Variants in PTPRT observed in about 807,000 individuals in gnomAD.
The protein encoded by PTPRT is protein tyrosine phosphatase receptor type T.
A neutral mutation model predicts 176.8 loss-of-function variants in PTPRT; 56 were observed. That is an observed-to-expected ratio of 0.32 (90% CI 0.26 to 0.40). The LOEUF (loss-of-function observed/expected upper bound fraction) is 0.40. PTPRT is among the 10% of genes least tolerant of loss of function. The pLI is 1.00. For missense variants in PTPRT, 1,540 were observed against 1,908.2 expected (o/e 0.81, Z 3.60); for synonymous variants, 783 against 739.0 (o/e 1.06, Z -0.96).
chr20:42,614,929 T>C (rs945500389), intron 7 of PTPRT, among the ~76,000 whole-genome samples: 2 of 143,508 alleles, frequency 1.4e-5, no homozygotes, highest in African/African-American at 2.8e-5. Flanking sequence ...TTTCTTTTTT[T>C]TTTTTCTATT....
intron 7 of PTPRT, among the ~76,000 whole-genome samples, chr20:42,618,204 T>C (rs564351493): frequency 7.9e-6 from 1 of 126,404 alleles, no homozygotes; most frequent in East Asian, 2.0e-4. Context: ...TGTACCCAAG[T>C]AGTCATTCAG....
Position 43,053,738 on chromosome 20 carries a change from G to T in PTPRT, c.88+135908C>A, listed in dbSNP as rs944224417. On this transcript the variant is annotated intron_variant, in intron 1 of 30. Coordinates refer to ENST00000373187, the MANE Select transcript of PTPRT (RefSeq NM_007050.6). Reference sequence around the variant, plus strand: ...GCGATTGCTCTCCACAGTGTTTGAGGACTGTTTAATTAACTACTGCTAAAA... The same window carrying T: ...GCGATTGCTCTCCACAGTGTTTGAGTACTGTTTAATTAACTACTGCTAAAA... Among the ~76,000 whole-genome samples the T allele has an allele frequency of 6.6e-5, 10 of 152,224 alleles. No individual in the cohort carries two copies. The East Asian group carries it at 1.7e-3, about 27-fold the overall frequency.
At chr20:42,593,783 T>G (rs1460040350) in intron 7 of PTPRT, among the ~76,000 whole-genome samples, 1 of 152,214 alleles carries the variant, frequency 6.6e-6, no homozygotes, top group East Asian at 1.9e-4. Context: ...TTTCCTAATC[T>G]GTGGGATAAA....
chr20:42,364,353 G>A (rs1193877567), intron 9 of PTPRT, among the ~76,000 whole-genome samples: 1 of 152,082 alleles, frequency 6.6e-6, no homozygotes, highest in African/African-American at 2.4e-5. Context: ...ACTAAATTAG[G>A]CATTAGGAAA....
intron 13 of PTPRT, among the ~76,000 whole-genome samples, chr20:42,275,177 A>C (rs1269490332): frequency 6.6e-6 from 1 of 152,250 alleles, no homozygotes; most frequent in African/African-American, 2.4e-5. Context: ...ACTGGCACAC[A>C]ATAGGTGGTT....
In PTPRT at chr20:42,620,896, G is replaced by A. The variant is rs374888803; in HGVS notation, c.1153+56970C>T. Among the ~76,000 whole-genome samples the A allele has an allele frequency of 4.4e-4, 67 of 152,274 alleles. 2 individuals are homozygous for A. The highest frequency in any genetic ancestry group is 7.2e-4 in the African/African-American group (30 of 41,552). Reference sequence around the variant, plus strand: ...TCAGATGGAAATGCAGAAAACACCCGTCTTCTGCATCGCTCACGCTGGGAG... The same window carrying A: ...TCAGATGGAAATGCAGAAAACACCCATCTTCTGCATCGCTCACGCTGGGAG... On this transcript the variant is annotated intron_variant, in intron 7 of 30. Coordinates refer to ENST00000373187, the MANE Select transcript of PTPRT (RefSeq NM_007050.6).
chr20:42,891,787 G>T (rs1233885331), intron 1 of PTPRT, among the ~76,000 whole-genome samples: 1 of 152,176 alleles, frequency 6.6e-6, no homozygotes, highest in Non-Finnish European at 1.5e-5. Flanking sequence ...CACTGTATTT[G>T]AACTATGTAG....
chr20:42,994,977 G>A (rs1408807711), intron 1 of PTPRT, among the ~76,000 whole-genome samples: 2 of 152,214 alleles, frequency 1.3e-5, no homozygotes, highest in Non-Finnish European at 2.9e-5. Flanking sequence ...GTTACCACTG[G>A]TGCCAGTTGG....
intron 16 of PTPRT, among the ~76,000 whole-genome samples, chr20:42,182,179 T>C (rs1440649034): frequency 2.0e-5 from 3 of 152,170 alleles, no homozygotes; most frequent in Non-Finnish European, 4.4e-5. Context: ...AGTCATGTCA[T>C]TCTGAGCCTT....
At chr20:42,417,245 A>G (rs2059074429) in intron 9 of PTPRT, among the ~76,000 whole-genome samples, 1 of 152,180 alleles carries the variant, frequency 6.6e-6, no homozygotes, top group Non-Finnish European at 1.5e-5. Flanking sequence ...GATTCCAGGT[A>G]AATGCAAACA....
chr20:42,208,370 T>C lies in PTPRT; in HGVS notation c.2343-8982A>G, dbSNP rs1278154340. 4.0e-5 allele frequency among the ~76,000 whole-genome samples: 6 copies of C among 151,864 alleles called. No homozygotes were observed. In the East Asian group the frequency reaches 5.8e-4, roughly 15 times the overall value. ...GGCAAGTTGGATAAAGAGTCAAGAC[T>C]CATCAGTGTGCTGTATTCAGGAAAC... On this transcript the variant is annotated intron_variant, in intron 15 of 30. Transcript: ENST00000373187.
chr20:42,388,232 G>A (rs909432813), intron 9 of PTPRT, among the ~76,000 whole-genome samples: 16 of 152,152 alleles, frequency 1.1e-4, no homozygotes, highest in Non-Finnish European at 4.4e-5. Flanking sequence ...CTTCATGTCT[G>A]AAACACCAAA....
At chr20:42,726,057 T>TTTA (rs59329244) in intron 6 of PTPRT, among the ~76,000 whole-genome samples, 36,850 of 142,014 alleles carry the variant, frequency 0.26, 4,733 homozygotes, top group African/African-American at 0.29. Context: ...TGTGGGCATC[T>TTTA]TTATTATTAT....
intron 1 of PTPRT, among the ~76,000 whole-genome samples, chr20:42,981,833 T>C (rs1434520372): frequency 2.0e-5 from 3 of 152,248 alleles, no homozygotes; most frequent in South Asian, 2.1e-4. Flanking sequence ...TTTATGTTCA[T>C]TTCCTTTTTC....
chr20:42,285,774 T>C (rs73120047), intron 12 of PTPRT, among the ~76,000 whole-genome samples: 11,586 of 145,664 alleles, frequency 0.08, 474 homozygotes, highest in Middle Eastern at 0.11. Context: ...CATGATCTTA[T>C]GTATACGAAA....
At chr20:42,862,051 C>A (rs993080629) in intron 2 of PTPRT, among the ~76,000 whole-genome samples, 3 of 152,182 alleles carry the variant, frequency 2.0e-5, no homozygotes, top group African/African-American at 7.2e-5. Context: ...CACACACACA[C>A]ACACAAGACA....
chr20:42,978,772 C>T (rs916770638), intron 1 of PTPRT, among the ~76,000 whole-genome samples: 4 of 152,182 alleles, frequency 2.6e-5, no homozygotes, highest in East Asian at 1.9e-4. Flanking sequence ...CTCCCGCCAG[C>T]GCCATGACAG....
chr20:42,926,827 C>T (rs1439248840), intron 1 of PTPRT, among the ~76,000 whole-genome samples: 6 of 152,158 alleles, frequency 3.9e-5, no homozygotes, highest in Non-Finnish European at 8.8e-5. Context: ...GGCAGCCAGG[C>T]TTACAATGCA....
chr20:43,058,128 C>T (rs2146246425), intron 1 of PTPRT, among the ~76,000 whole-genome samples: 1 of 152,248 alleles, frequency 6.6e-6, no homozygotes, highest in South Asian at 2.1e-4. Context: ...TCAGGGCTTC[C>T]AGAGTGCCCA....
Sources: gnomAD v4.1 joint callset for allele counts (sites outside exome capture counted in the v4.1 genomes callset) on GRCh38, gnomAD v4.1.1 for gene constraint, MANE v1.5 for transcripts, NCBI Gene and HGNC (gene_info 2026-07-23, HGNC 2026-07-21) for gene names.